Variants in KCNAB1 observed in about 807,000 individuals in gnomAD.
KCNAB1 encodes the protein potassium voltage-gated channel subfamily A regulatory beta subunit 1, also known as voltage-gated potassium channel subunit beta-1.
In KCNAB1, 35 loss-of-function variants were observed where a neutral mutation model predicts 64.6. That is an observed-to-expected ratio of 0.54 (90% CI 0.41 to 0.72). The LOEUF is 0.72. Ranked by LOEUF, KCNAB1 falls within the 30% of genes least tolerant of loss-of-function variation. The pLI, the probability that KCNAB1 is intolerant of heterozygous loss-of-function variation, is 0.00. For missense variants in KCNAB1, 401 were observed against 512.9 expected, an observed-to-expected ratio of 0.78 and a Z score of 2.11; for synonymous variants, 177 against 183.8, an observed-to-expected ratio of 0.96 and a Z score of 0.30.
chr3:156,216,371 C>T (rs991299088), intron 1 of KCNAB1, among the ~76,000 whole-genome samples: 1 of 152,214 alleles, frequency 6.6e-6, no homozygotes, highest in African/African-American at 2.4e-5. Context: ...CTGGCATGAA[C>T]ATAGGCATGC....
chr3:156,439,831 TACCATCATA>T (rs1352976292), intron 2 of KCNAB1, among the ~76,000 whole-genome samples: 5 of 152,214 alleles, frequency 3.3e-5, no homozygotes, highest in African/African-American at 1.2e-4. Context: ...AGCTTTATTC[TACCATCATA>T]ACTCCCTGGA....
chr3:156,371,660 T>C (rs1726315314), intron 1 of KCNAB1, among the ~76,000 whole-genome samples: 1 of 152,090 alleles, frequency 6.6e-6, no homozygotes. Context: ...ACCAGAGGAA[T>C]TGGGGCTTGA....
chr3:156,186,140 C>T lies in KCNAB1; in HGVS notation c.275+65254C>T, dbSNP rs185849256. Among the ~76,000 whole-genome samples, 162 of 152,308 alleles carry T rather than the reference C, an allele frequency of 1.1e-3. 1 individual carries two copies. The highest frequency in any genetic ancestry group is 6.8e-3 in the Middle Eastern group (2 of 294). On this transcript the variant is annotated intron_variant, in intron 1 of 13. Transcript: ENST00000490337. ...GCCTTGCTGGGGGGCTCAATTCAAA[C>T]GGATGGTCCTTTTCTTGAAGGCTTC...
chr3:156,273,871 C>T (rs1192237616), intron 1 of KCNAB1, among the ~76,000 whole-genome samples: 1 of 152,194 alleles, frequency 6.6e-6, no homozygotes, highest in African/African-American at 2.4e-5. Context: ...TTGTCTCTCC[C>T]TCTTCCTCTA....
At chr3:156,344,999 T>A (rs1724389299) in intron 1 of KCNAB1, among the ~76,000 whole-genome samples, 1 of 152,228 alleles carries the variant, frequency 6.6e-6, no homozygotes, top group Non-Finnish European at 1.5e-5. Flanking sequence ...CTGCTTAAAA[T>A]CTTTTCTGGA....
chr3:156,351,725 G>T (rs1425879753), intron 1 of KCNAB1, among the ~76,000 whole-genome samples: 6 of 152,192 alleles, frequency 3.9e-5, no homozygotes, highest in Non-Finnish European at 1.5e-5. Context: ...CAGCTGAGCT[G>T]TGCATTCTTT....
intron 1 of KCNAB1, chr3:156,215,664 A>T (rs2108401959): frequency 6.6e-6 from 1 of 152,338 alleles, no homozygotes; most frequent in Non-Finnish European, 1.5e-5. Flanking sequence ...CAGCAGCTTG[A>T]CTGAAGACCC....
intron 8 of KCNAB1, among the ~76,000 whole-genome samples, chr3:156,510,574 A>G (rs1717139960): frequency 6.6e-6 from 1 of 152,014 alleles, no homozygotes; most frequent in Admixed American, 6.6e-5. Context: ...TTCTCTTCCA[A>G]ACTTATTGAA....
chr3:156,161,498 A>G (rs1175955866), intron 1 of KCNAB1, among the ~76,000 whole-genome samples: 1 of 152,216 alleles, frequency 6.6e-6, no homozygotes, highest in African/African-American at 2.4e-5. Flanking sequence ...AGAAGAATGT[A>G]GTTACCTGAC....
In KCNAB1 at chr3:156,158,176, TAAAAAATAAATAAATA is replaced by T. The variant is rs1417140555; in HGVS notation, c.275+37293_275+37308del. 9.6e-4 allele frequency among the ~76,000 whole-genome samples: 30 copies of T among 31,348 alleles called. 2 individuals are homozygous for T. The highest frequency in any genetic ancestry group is 6.1e-3 in the Admixed American group (12 of 1,972). The allele number at this position is 31,348 out of a possible 152,430, so 20.6% of individuals were successfully genotyped here. On this transcript the variant is annotated intron_variant, in intron 1 of 13. Transcript: ENST00000490337. ...CGAAACTCTGTCTCAAAAAAAAAAA[TAAAAAATAAATAAATA>T]AATAAATAAATAAATAAATAAATAA...
intron 1 of KCNAB1, among the ~76,000 whole-genome samples, chr3:156,284,034 G>C (rs990298817): frequency 6.6e-6 from 1 of 152,160 alleles, no homozygotes; most frequent in Non-Finnish European, 1.5e-5. Context: ...TGGAGGAGGA[G>C]AGGTGCTCTG....
intron 8 of KCNAB1, 101 bp from the exon 9 acceptor site, chr3:156,514,263 C>T (rs1717411126): frequency 8.7e-6 from 7 of 808,520 alleles, no homozygotes; most frequent in African/African-American, 1.7e-5. Context: ...ATCAAACAAA[C>T]AATTGCATTA....
chr3:156,210,511 AT>A (rs1714945866), intron 1 of KCNAB1, among the ~76,000 whole-genome samples: 1 of 152,160 alleles, frequency 6.6e-6, no homozygotes, highest in Non-Finnish European at 1.5e-5. Context: ...TCATCATGAT[AT>A]TTACAAAACA....
intron 2 of KCNAB1, among the ~76,000 whole-genome samples, chr3:156,446,454 C>T (rs150774622): frequency 1.4e-3 from 208 of 152,220 alleles, no homozygotes; most frequent in African/African-American, 4.6e-3. Flanking sequence ...TCTTTAGTGA[C>T]GTAACAGATT....
intron 1 of KCNAB1, among the ~76,000 whole-genome samples, chr3:156,179,713 A>G (rs76897331): frequency 6.6e-6 from 1 of 152,180 alleles, no homozygotes; most frequent in Non-Finnish European, 1.5e-5. Flanking sequence ...ATGAGACTAC[A>G]TATTGCTCTG....
chr3:156,326,698 G>T lies in KCNAB1; in HGVS notation c.276-94918G>T, dbSNP rs529580712. ...TTTGCACTTGCTGTTCTCTCTACCT[G>T]GAAAGCTCTTCTCACAGCATTTGGC... On this transcript the variant is annotated intron_variant, in intron 1 of 13. Transcript: ENST00000490337. Among the ~76,000 whole-genome samples the T allele has an allele frequency of 3.7e-4, 57 of 152,174 alleles. 1 individual carries two copies. The highest frequency in any genetic ancestry group is 2.3e-3 in the South Asian group (11 of 4,824).
intron 2 of KCNAB1, among the ~76,000 whole-genome samples, chr3:156,422,332 GC>G (rs1715518063): frequency 6.6e-6 from 1 of 152,218 alleles, no homozygotes; most frequent in African/African-American, 2.4e-5. Context: ...TGGCATTCCT[GC>G]CATTCAACAC....
chr3:156,265,744 C>T (rs1025607765), intron 1 of KCNAB1, among the ~76,000 whole-genome samples: 127 of 152,276 alleles, frequency 8.3e-4, no homozygotes, highest in African/African-American at 3.0e-3. Flanking sequence ...CCTGTAATCC[C>T]AGCACTTTGG....
At chr3:156,295,131 TA>T (rs1330502781) in intron 1 of KCNAB1, among the ~76,000 whole-genome samples, 64 of 152,286 alleles carry the variant, frequency 4.2e-4, no homozygotes, top group African/African-American at 9.9e-4. Context: ...CCTATGAAGT[TA>T]TTTTTTTTTG....
Sources: allele counts gnomAD v4.1 joint callset (sites outside exome capture counted in the v4.1 genomes callset), GRCh38; gene constraint gnomAD v4.1.1; transcripts MANE v1.5; gene names NCBI Gene and HGNC (gene_info 2026-07-23, HGNC 2026-07-21).